The following LEO1 variants were observed in gnomAD, a reference collection of about 807,000 sequenced individuals.
LEO1 encodes the protein LEO1 component of Paf1/RNA polymerase II complex.
In LEO1, 34 loss-of-function variants were observed where a neutral mutation model predicts 80.4. That is an observed-to-expected ratio of 0.42 (90% CI 0.32 to 0.56). The LOEUF is 0.56. LEO1 is among the 20% of genes least tolerant of loss of function. The pLI is 0.10. For synonymous variants in LEO1, 262 were observed against 274.9 expected, an observed-to-expected ratio of 0.95 and a Z score of 0.46; for missense variants, 631 against 814.2, an observed-to-expected ratio of 0.77 and a Z score of 2.74.
rs1405981750 is a variant in LEO1, at chr15:51,958,313, G to A, written c.1245+429C>T. On this transcript the variant is annotated intron_variant, in intron 6 of 11. Transcript: ENST00000299601. The stretch of plus-strand genomic sequence containing the variant: ...TCTACAGAAAAAAAAAAAAGGCTGG[G>A]CATGGTGGCATGTTTTCTGTAGTCC... Among the ~76,000 whole-genome samples the A allele has an allele frequency of 1.3e-5, 2 of 152,016 alleles. 1 individual carries two copies. Among genetic ancestry groups the A allele is most frequent in the Admixed American group, 1.3e-4 (2 of 15,250 alleles).
intron 11 of LEO1, chr15:51,946,902 T>A: frequency 6.0e-6 from 1 of 166,750 alleles, no homozygotes; most frequent in Non-Finnish European, 1.3e-5. Context: ...AAAAAGGAGA[T>A]ACACCCTCTG....
At chr15:51,956,422 C>CAAAAAAA (rs34613118) in intron 6 of LEO1, among the ~76,000 whole-genome samples, 2 of 78,580 alleles carry the variant, frequency 2.5e-5, no homozygotes, top group Non-Finnish European at 2.4e-5. Context: ...GACTCCATCT[C>CAAAAAAA]AAAAAAAAAA....
At chr15:51,970,544 T>C (rs557912687) in intron 1 of LEO1, among the ~76,000 whole-genome samples, 14 of 152,360 alleles carry the variant, frequency 9.2e-5, no homozygotes, top group African/African-American at 3.4e-4. Flanking sequence ...AGTACTGATA[T>C]GTGCTACAAT....
At chr15:51,962,518 T>C in intron 2 of LEO1, 25 bp from the exon 3 acceptor site, 1 of 1,504,260 alleles carries the variant, frequency 6.6e-7, no homozygotes, top group Non-Finnish European at 9.2e-7. Flanking sequence ...TTAGAAGTTC[T>C]GCATAATCAG....
At chr15:51,959,098 G>T (rs887033281) in intron 5 of LEO1, among the ~76,000 whole-genome samples, 8 of 151,756 alleles carry the variant, frequency 5.3e-5, no homozygotes, top group Non-Finnish European at 8.8e-5. Context: ...CGCCTCCCAG[G>T]TTCAAGCGAT....
chr15:51,959,870 C>A (rs1230119817), intron 5 of LEO1, 29 bp downstream of exon 5: 3 of 1,535,578 alleles, frequency 2.0e-6, no homozygotes, highest in Non-Finnish European at 2.6e-6. Context: ...TACTCAACAT[C>A]CTGAAAAAAT....
intron 2 of LEO1, 128 bp downstream of exon 2, chr15:51,965,620 GA>G (rs2057068380): frequency 1.6e-6 from 2 of 1,269,086 alleles, no homozygotes; most frequent in Middle Eastern, 4.8e-4. Context: ...TCTAGAGTTA[GA>G]AAAGTTTGAA....
At chr15:51,943,649 G>A (rs1196436291) in intron 11 of LEO1, among the ~76,000 whole-genome samples, 4 of 151,026 alleles carry the variant, frequency 2.6e-5, no homozygotes, top group East Asian at 1.9e-4. Flanking sequence ...GCAGGGAGCC[G>A]AGATCGCACC....
intron 7 of LEO1, among the ~76,000 whole-genome samples, 185 bp from the exon 8 acceptor site, chr15:51,953,448 C>T (rs146581872): frequency 2.6e-3 from 403 of 152,158 alleles, no homozygotes; most frequent in Non-Finnish European, 4.8e-3. Flanking sequence ...TGGTGAAACC[C>T]CATCTCTGGT....
At chr15:51,960,521 C>T in intron 4 of LEO1, 118 bp downstream of exon 4, 1 of 651,866 alleles carries the variant, frequency 1.5e-6, no homozygotes, top group South Asian at 1.9e-5. Context: ...GTCATCTGTT[C>T]ATGGTATTTT....
At chr15:51,965,093 T>C (rs1229161055) in intron 2 of LEO1, among the ~76,000 whole-genome samples, 1 of 152,190 alleles carries the variant, frequency 6.6e-6, no homozygotes, top group African/African-American at 2.4e-5. Flanking sequence ...CTACATATTA[T>C]ACTCCCTGGG....
At chr15:51,952,136 G>T (rs914253788) in intron 8 of LEO1, 157 bp from the exon 9 acceptor site, 1 of 527,038 alleles carries the variant, frequency 1.9e-6, no homozygotes, top group African/African-American at 1.9e-5. Flanking sequence ...GTGGAAGATT[G>T]TGAGTTTTCT....
At chr15:51,952,235 TA>T in intron 8 of LEO1, 1 of 314,982 alleles carries the variant, frequency 3.2e-6, no homozygotes, top group Non-Finnish European at 5.8e-6. Flanking sequence ...GATCACCTTC[TA>T]GAAGCAATAA....
intron 5 of LEO1, among the ~76,000 whole-genome samples, chr15:51,959,194 G>T (rs1244810806): frequency 6.6e-6 from 1 of 152,002 alleles, no homozygotes; most frequent in African/African-American, 2.4e-5. Context: ...TAGAGACAGG[G>T]TGTTTCTCCA....
intron 3 of LEO1, among the ~76,000 whole-genome samples, chr15:51,961,341 CT>C (rs1159948265): frequency 6.9e-6 from 1 of 144,680 alleles, no homozygotes; most frequent in African/African-American, 2.7e-5. Flanking sequence ...ATCCTTCCAA[CT>C]TATAATACCA....
At chr15:51,965,069 C>T (rs1437554164) in intron 2 of LEO1, among the ~76,000 whole-genome samples, 2 of 152,124 alleles carry the variant, frequency 1.3e-5, no homozygotes, top group Non-Finnish European at 2.9e-5. Context: ...ATCACCCAGC[C>T]ATGTTTGCAC....
chr15:51,965,569 G>C (rs1481453392), intron 2 of LEO1, among the ~76,000 whole-genome samples, 180 bp downstream of exon 2: 1 of 152,136 alleles, frequency 6.6e-6, no homozygotes, highest in Non-Finnish European at 1.5e-5. Context: ...GAGTAAGAAA[G>C]AATAAGTGGA....
At chr15:51,966,567 A>C in intron 1 of LEO1, 63 bp from the exon 2 acceptor site, 1 of 890,450 alleles carries the variant, frequency 1.1e-6, no homozygotes, top group South Asian at 1.6e-5. Context: ...GCAGTCCCAA[A>C]GTCCATCCCA....
At position 51,959,004 on chromosome 15, in the gene LEO1, CTTT is replaced by C. The variant is rs779645883; in HGVS notation, c.1161-181_1161-179del. Among the ~76,000 whole-genome samples, 824 of 140,374 alleles carry C rather than the reference CTTT, an allele frequency of 5.9e-3. 9 individuals are homozygous for C. The highest frequency in any genetic ancestry group is 0.021 in the African/African-American group (792 of 38,626). The allele number at this position is 140,374 out of a possible 152,430, so 92.1% of individuals were successfully genotyped here. ...AAGGAAGTAGTAATTGTACTTTTTTCTTTTTTTTTTTTTTTGAGACCGAGCTTT... is the reference window on the plus strand; with the variant it reads ...AAGGAAGTAGTAATTGTACTTTTTTCTTTTTTTTTTTTGAGACCGAGCTTT... On this transcript the variant is annotated intron_variant, in intron 5 of 11. Transcript: ENST00000299601.
Sources: gnomAD v4.1 joint callset for allele counts (sites outside exome capture counted in the v4.1 genomes callset) on GRCh38, gnomAD v4.1.1 for gene constraint, MANE v1.5 for transcripts, NCBI Gene and HGNC (gene_info 2026-07-23, HGNC 2026-07-21) for gene names.